Variants in DYNC1I2 observed in about 807,000 individuals in gnomAD.
DYNC1I2 encodes the protein dynein cytoplasmic 1 intermediate chain 2, also known as cytoplasmic dynein 1 intermediate chain 2.
Under a neutral mutation model 88.6 loss-of-function variants are expected in DYNC1I2, and 53 were observed. The observed-to-expected ratio is 0.60, with a 90% CI of 0.48 to 0.75. The LOEUF is 0.75. Among genes scored for constraint, DYNC1I2 ranks in the 30% least tolerant of loss-of-function variants. The pLI, the probability that DYNC1I2 is intolerant of heterozygous loss-of-function variation, is 0.00. For synonymous variants in DYNC1I2, 198 were observed against 254.6 expected (o/e 0.78, Z 2.12); for missense variants, 458 against 766.6 (o/e 0.60, Z 4.75).
intron 15 of DYNC1I2, among the ~76,000 whole-genome samples, chr2:171,737,477 G>C (rs947364477): frequency 6.6e-6 from 1 of 152,132 alleles, no homozygotes; most frequent in Non-Finnish European, 1.5e-5. Flanking sequence ...GAGCGCAGTG[G>C]GGTGATCTCG....
intron 15 of DYNC1I2, among the ~76,000 whole-genome samples, chr2:171,737,848 T>TAAACG (rs1450492499): frequency 6.6e-6 from 1 of 152,126 alleles, no homozygotes; most frequent in Non-Finnish European, 1.5e-5. Flanking sequence ...CGTTTGCAGG[T>TAAACG]TTGTTATATA....
intron 11 of DYNC1I2, among the ~76,000 whole-genome samples, chr2:171,727,225 AG>A (rs1488461776): frequency 6.6e-6 from 1 of 152,156 alleles, no homozygotes. Context: ...TCTTTCCTAC[AG>A]GGAGTTTCCC....
intron 17 of DYNC1I2, among the ~76,000 whole-genome samples, 157 bp from the exon 18 acceptor site, chr2:171,747,619 G>C (rs1273571153): frequency 6.6e-6 from 1 of 152,158 alleles, no homozygotes; most frequent in Admixed American, 6.5e-5. Flanking sequence ...GTTTTGAAAT[G>C]TTGTAAATCA....
intron 15 of DYNC1I2, among the ~76,000 whole-genome samples, chr2:171,737,959 A>G (rs1490129344): frequency 6.6e-6 from 1 of 152,110 alleles, no homozygotes; most frequent in African/African-American, 2.4e-5. Flanking sequence ...CTTTTATATT[A>G]TAAATACAAG....
intron 3 of DYNC1I2, among the ~76,000 whole-genome samples, chr2:171,695,712 G>C (rs1685716891): frequency 6.6e-6 from 1 of 152,118 alleles, no homozygotes. Context: ...TTTCTCTGGG[G>C]TGTATCCCCA....
At chr2:171,726,128 C>G (rs370761161) in intron 9 of DYNC1I2, 47 bp downstream of exon 9, 4 of 1,556,564 alleles carry the variant, frequency 2.6e-6, no homozygotes, top group Non-Finnish European at 2.6e-6. Flanking sequence ...TGTTAAATTA[C>G]TTTAAGATTA....
At chr2:171,747,554 A>C (rs931557489) in intron 17 of DYNC1I2, among the ~76,000 whole-genome samples, 2 of 152,150 alleles carry the variant, frequency 1.3e-5, no homozygotes, top group Admixed American at 6.5e-5. Context: ...TGGTGGTGAT[A>C]ATAGCCAAGT....
chr2:171,690,065 C>A, intron 1 of DYNC1I2, 82 bp from the exon 2 acceptor site: 2 of 841,638 alleles, frequency 2.4e-6, no homozygotes, highest in Non-Finnish European at 3.6e-6. Flanking sequence ...ACTATATGGC[C>A]TTTCGGGACA....
chr2:171,700,063 T>G (rs988960330), intron 3 of DYNC1I2, among the ~76,000 whole-genome samples: 1 of 152,186 alleles, frequency 6.6e-6, no homozygotes, highest in Non-Finnish European at 1.5e-5. Flanking sequence ...GCTCAACTTC[T>G]CTCATTGGGT....
At chr2:171,720,266 G>A (rs1687814711) in intron 7 of DYNC1I2, among the ~76,000 whole-genome samples, 1 of 152,122 alleles carries the variant, frequency 6.6e-6, no homozygotes, top group Non-Finnish European at 1.5e-5. Flanking sequence ...CTGTGAAGGA[G>A]TTTATAATTA....
At chr2:171,713,660 G>A (rs749483160) in intron 6 of DYNC1I2, among the ~76,000 whole-genome samples, 4 of 152,020 alleles carry the variant, frequency 2.6e-5, no homozygotes, top group African/African-American at 4.8e-5. Flanking sequence ...ATAAATGTTT[G>A]CTGCTGCCAT....
At chr2:171,734,338 G>T (rs186626063) in intron 15 of DYNC1I2, among the ~76,000 whole-genome samples, 10 of 152,256 alleles carry the variant, frequency 6.6e-5, no homozygotes, top group Non-Finnish European at 1.2e-4. Context: ...CAGACTGATT[G>T]ATACTTGCTT....
At chr2:171,723,269 T>C (rs1688017241) in intron 7 of DYNC1I2, among the ~76,000 whole-genome samples, 1 of 152,204 alleles carries the variant, frequency 6.6e-6, no homozygotes, top group African/African-American at 2.4e-5. Flanking sequence ...TTATAATTCA[T>C]AGTGCTCAAG....
chr2:171,718,558 C>T (rs1476055710), intron 7 of DYNC1I2, among the ~76,000 whole-genome samples: 3 of 151,912 alleles, frequency 2.0e-5, no homozygotes, highest in Non-Finnish European at 2.9e-5. Context: ...CTCAGCCTCC[C>T]GAGTAGCTGG....
intron 5 of DYNC1I2, among the ~76,000 whole-genome samples, chr2:171,708,229 A>G (rs776081900): frequency 2.0e-5 from 3 of 152,120 alleles, no homozygotes; most frequent in Non-Finnish European, 4.4e-5. Context: ...CTCTTAACAC[A>G]CCTTTTAATA....
intron 3 of DYNC1I2, among the ~76,000 whole-genome samples, chr2:171,696,208 T>C (rs1685756006): frequency 6.6e-6 from 1 of 152,158 alleles, no homozygotes; most frequent in Admixed American, 6.5e-5. Flanking sequence ...GATCAAATCC[T>C]TCATTTTGAT....
rs543891012 is a variant in DYNC1I2 at position 171,701,500 on chromosome 2, TTTTG to T, written c.227-5039_227-5036del. On this transcript the variant is annotated intron_variant, in intron 3 of 17. Coordinates refer to ENST00000397119, the MANE Select transcript of DYNC1I2 (RefSeq NM_001378.3). ...CTGTTTTTCTTTATGCCAACTTTTT[TTTTG>T]TTTGTTTATGAGTGTAGATACAAGA... 5.1e-4 allele frequency among the ~76,000 whole-genome samples: 78 copies of T among 152,306 alleles called. 1 individual carries two copies. In the East Asian group the frequency reaches 0.01, roughly 20 times the overall value.
chr2:171,722,712 A>G (rs948307517), intron 7 of DYNC1I2, among the ~76,000 whole-genome samples: 4 of 152,202 alleles, frequency 2.6e-5, no homozygotes, highest in Non-Finnish European at 5.9e-5. Flanking sequence ...TTTTTGCCAA[A>G]TATTTGGTAA....
At chr2:171,741,398 G>A (rs1336308321) in intron 15 of DYNC1I2, among the ~76,000 whole-genome samples, 1 of 152,136 alleles carries the variant, frequency 6.6e-6, no homozygotes, top group African/African-American at 2.4e-5. Context: ...CCCCAGCAAG[G>A]TATGAAGGTT....
Sources: allele counts gnomAD v4.1 joint callset (sites outside exome capture counted in the v4.1 genomes callset), GRCh38; gene constraint gnomAD v4.1.1; transcripts MANE v1.5; gene names NCBI Gene and HGNC (gene_info 2026-07-23, HGNC 2026-07-21).